SYN3: variants seen among roughly 807,000 people sequenced by gnomAD.
The protein encoded by SYN3 is synapsin-3.
In SYN3, 35 loss-of-function variants were observed where a neutral mutation model predicts 65.8. The observed-to-expected ratio is 0.53, with a 90% CI of 0.41 to 0.70. The LOEUF is 0.70. Ranked by LOEUF, SYN3 falls within the 30% of genes least tolerant of loss-of-function variation. The pLI is 0.00. For missense variants in SYN3, 680 were observed against 749.0 expected, an observed-to-expected ratio of 0.91 and a Z score of 1.08; for synonymous variants, 270 against 292.9, an observed-to-expected ratio of 0.92 and a Z score of 0.80.
At chr22:32,944,300 A>G (rs1024759129) in intron 3 of SYN3, among the ~76,000 whole-genome samples, 9 of 152,180 alleles carry the variant, frequency 5.9e-5, no homozygotes, top group African/African-American at 1.9e-4. Flanking sequence ...AACTCACTCA[A>G]AACCGCTCAA....
At position 32,653,916 on chromosome 22, in the gene SYN3, G is replaced by A. The variant is rs531100333; in HGVS notation, c.712-57180C>T. Among the ~76,000 whole-genome samples, 25 of 152,266 alleles carry A rather than the reference G, an allele frequency of 1.6e-4. No homozygotes were observed. The South Asian group carries it at 2.9e-3, about 18-fold the overall frequency. On this transcript the variant is annotated intron_variant, in intron 6 of 13. Transcript: ENST00000358763. Reference sequence around the variant, plus strand: ...CCAGCCTTTTGAAGTCTGAACTCTGGCTGACAGAACGTAAGAGGTAGGTGT... The same window carrying A: ...CCAGCCTTTTGAAGTCTGAACTCTGACTGACAGAACGTAAGAGGTAGGTGT...
intron 6 of SYN3, among the ~76,000 whole-genome samples, chr22:32,855,376 T>C (rs949310488): frequency 6.6e-6 from 1 of 152,172 alleles, no homozygotes; most frequent in Non-Finnish European, 1.5e-5. Flanking sequence ...TAAATGGAAA[T>C]AGCATTTGCC....
chr22:32,685,690 C>T (rs2060580030), intron 6 of SYN3, among the ~76,000 whole-genome samples: 1 of 152,192 alleles, frequency 6.6e-6, no homozygotes, highest in South Asian at 2.1e-4. Flanking sequence ...GTGATGTTCA[C>T]ATAATGACGA....
chr22:32,557,311 G>C (rs1281309350), intron 7 of SYN3, among the ~76,000 whole-genome samples: 2 of 152,132 alleles, frequency 1.3e-5, no homozygotes, highest in East Asian at 3.9e-4. Flanking sequence ...ACAAGGGGAG[G>C]GGGGATGGGT....
intron 6 of SYN3, among the ~76,000 whole-genome samples, chr22:32,708,427 C>T (rs1601951907): frequency 6.6e-6 from 1 of 152,138 alleles, no homozygotes; most frequent in East Asian, 1.9e-4. Context: ...TCTGACAACC[C>T]CGTGCAGGAG....
chr22:32,849,593 C>T, intron 6 of SYN3: 1 of 1,510,756 alleles, frequency 6.6e-7, no homozygotes, highest in African/African-American at 1.4e-5. Flanking sequence ...CAGAAGAGTC[C>T]TGGCTAAGGG....
intron 4 of SYN3, among the ~76,000 whole-genome samples, chr22:32,870,678 A>G (rs2048825745): frequency 6.6e-6 from 1 of 152,176 alleles, no homozygotes; most frequent in African/African-American, 2.4e-5. Flanking sequence ...CCAGCACTGC[A>G]GTTTTTGAAA....
intron 1 of SYN3, among the ~76,000 whole-genome samples, chr22:33,009,837 T>C (rs1394772978): frequency 6.6e-6 from 1 of 151,706 alleles, no homozygotes; most frequent in Admixed American, 6.6e-5. Context: ...TAAAGTCTTA[T>C]ATATATCTGC....
intron 6 of SYN3, among the ~76,000 whole-genome samples, chr22:32,781,157 C>G (rs1341069696): frequency 6.6e-6 from 1 of 151,132 alleles, no homozygotes; most frequent in African/African-American, 2.4e-5. Flanking sequence ...GTATAAAGCC[C>G]TGGAACTACC....
At chr22:32,792,968 T>G (rs1251156621) in intron 6 of SYN3, among the ~76,000 whole-genome samples, 1 of 152,168 alleles carries the variant, frequency 6.6e-6, no homozygotes. Context: ...CAATTTAACT[T>G]CTTTGAGCCT....
At chr22:33,001,595 A>G (rs1052372670) in intron 2 of SYN3, among the ~76,000 whole-genome samples, 5 of 152,224 alleles carry the variant, frequency 3.3e-5, no homozygotes, top group African/African-American at 1.2e-4. Context: ...ACAAGGGGCT[A>G]CTGTTAAGAT....
intron 1 of SYN3, among the ~76,000 whole-genome samples, chr22:33,019,714 G>A (rs1261531025): frequency 2.6e-5 from 4 of 152,130 alleles, no homozygotes; most frequent in Admixed American, 2.0e-4. Flanking sequence ...GCGCGATCTT[G>A]GCTCACTGCA....
chr22:32,851,042 T>C (rs2048204383), intron 6 of SYN3, among the ~76,000 whole-genome samples: 1 of 152,182 alleles, frequency 6.6e-6, no homozygotes, highest in African/African-American at 2.4e-5. Context: ...CCAGTTGCCC[T>C]TGGCTGCCTA....
At chr22:32,859,206 C>T (rs1447453648) in intron 6 of SYN3, 1 of 1,614,198 alleles carries the variant, frequency 6.2e-7, no homozygotes, top group Non-Finnish European at 8.5e-7. Context: ...ACCTGCCTTG[C>T]TTTGTGACTT....
chr22:32,716,177 T>C (rs1177851462), intron 6 of SYN3, among the ~76,000 whole-genome samples: 1 of 152,148 alleles, frequency 6.6e-6, no homozygotes, highest in East Asian at 1.9e-4. Context: ...CCTGAAGCAG[T>C]TGGTGTACCC....
intron 1 of SYN3, among the ~76,000 whole-genome samples, chr22:33,025,594 A>T (rs1375265164): frequency 6.6e-6 from 1 of 151,040 alleles, no homozygotes; most frequent in Non-Finnish European, 1.5e-5. Flanking sequence ...AGATCGCACC[A>T]CTGGGTGACA....
intron 6 of SYN3, among the ~76,000 whole-genome samples, chr22:32,840,856 A>T (rs1055868429): frequency 6.6e-6 from 1 of 151,952 alleles, no homozygotes; most frequent in Non-Finnish European, 1.5e-5. Context: ...GCCTTACTTG[A>T]GTGTCATTGC....
At chr22:32,838,659 C>T (rs1317127398) in intron 6 of SYN3, among the ~76,000 whole-genome samples, 4 of 152,072 alleles carry the variant, frequency 2.6e-5, no homozygotes, top group Non-Finnish European at 5.9e-5. Context: ...TTCGGCCTCT[C>T]CAGATCACAT....
At chr22:32,546,536 A>G (rs181460557) in intron 7 of SYN3, among the ~76,000 whole-genome samples, 1 of 152,086 alleles carries the variant, frequency 6.6e-6, no homozygotes, top group East Asian at 1.9e-4. Flanking sequence ...GGTGGTCTGG[A>G]GCCTCGGTGG....
Sources: allele counts gnomAD v4.1 joint callset (sites outside exome capture counted in the v4.1 genomes callset), GRCh38; gene constraint gnomAD v4.1.1; transcripts MANE v1.5; gene names NCBI Gene and HGNC (gene_info 2026-07-23, HGNC 2026-07-21).